The following CCDC148 variants were observed in gnomAD, a reference collection of about 807,000 sequenced individuals.
The protein encoded by CCDC148 is coiled-coil domain containing 148, also known as coiled-coil domain-containing protein 148.
Under a neutral mutation model 85.7 loss-of-function variants are expected in CCDC148, and 89 were observed. The observed-to-expected ratio is 1.04, with a 90% CI of 0.87 to 1.24. The LOEUF (loss-of-function observed/expected upper bound fraction) is 1.24. Among genes scored for constraint, CCDC148 ranks in the 50% most tolerant of loss-of-function variants. The pLI is 0.00. For missense variants in CCDC148, 692 were observed against 671.7 expected (o/e 1.03, Z -0.33); for synonymous variants, 230 against 213.9 (o/e 1.08, Z -0.66).
chr2:158,206,725 T>C (rs1558981426), intron 11 of CCDC148, among the ~76,000 whole-genome samples: 3 of 152,194 alleles, frequency 2.0e-5, no homozygotes, highest in Non-Finnish European at 4.4e-5. Context: ...AGGAATAAGA[T>C]TGGAGGATTG....
Position 158,313,785 on chromosome 2 carries a change from A to G in CCDC148, c.874T>C (p.Tyr292His). The G allele has an allele frequency of 6.2e-7, 1 of 1,613,948 alleles. No individual in the cohort carries two copies. The highest frequency in any genetic ancestry group is 8.5e-7 in the Non-Finnish European group (1 of 1,179,902). The change falls in exon 8 of 14, where the codon TAT (tyrosine) becomes CAT (histidine). Residue 292 changes from tyrosine to histidine, a missense_variant. Coordinates refer to ENST00000283233, the MANE Select transcript of CCDC148 (RefSeq NM_138803.4). ...TCATGCCTAGATTTGTGAGGAAAAT[A>G]TCTTTGTAACATGTCCAGATACAGA... is the stretch of plus-strand genomic sequence containing the variant. ...RTLYLDMLQR[Y>H]FPHKSRHDLV...
chr2:158,310,525 A>C (rs1478971269), intron 8 of CCDC148, among the ~76,000 whole-genome samples: 1 of 150,898 alleles, frequency 6.6e-6, no homozygotes, highest in Admixed American at 6.6e-5. Flanking sequence ...CCCACCCCCC[A>C]GACGGGGCCG....
At chr2:158,221,109 T>C (rs1347382602) in intron 10 of CCDC148, among the ~76,000 whole-genome samples, 3 of 152,220 alleles carry the variant, frequency 2.0e-5, no homozygotes, top group African/African-American at 4.8e-5. Context: ...AAATATAGCA[T>C]TAAAACTATT....
chr2:158,269,946 A>G lies in CCDC148; in HGVS notation c.1111-19034T>C, dbSNP rs562842775. On this transcript the variant is annotated intron_variant, in intron 9 of 13. Coordinates refer to ENST00000283233, the MANE Select transcript of CCDC148 (RefSeq NM_138803.4). Reference sequence around the variant, plus strand: ...TCAAAAGGGAAGTTAACAACAGAACAAAGTAGAACCTACACTAATATTCTC... The same window carrying G: ...TCAAAAGGGAAGTTAACAACAGAACGAAGTAGAACCTACACTAATATTCTC... Among the ~76,000 whole-genome samples the G allele has an allele frequency of 3.3e-5, 5 of 152,324 alleles. No individual in the cohort carries two copies. In the South Asian group the frequency reaches 8.3e-4, roughly 25 times the overall value.
At chr2:158,331,886 G>C (rs1261248378) in intron 7 of CCDC148, among the ~76,000 whole-genome samples, 2 of 151,944 alleles carry the variant, frequency 1.3e-5, no homozygotes, top group African/African-American at 4.8e-5. Flanking sequence ...CCTTTGTTTT[G>C]AGCCTATGTG....
chr2:158,390,520 A>G (rs901201181), intron 1 of CCDC148, among the ~76,000 whole-genome samples: 1 of 152,158 alleles, frequency 6.6e-6, no homozygotes, highest in Non-Finnish European at 1.5e-5. Flanking sequence ...AAATAGCCAA[A>G]CTCTTATAAA....
At chr2:158,327,008 A>C (rs912030768) in intron 7 of CCDC148, among the ~76,000 whole-genome samples, 20 of 152,168 alleles carry the variant, frequency 1.3e-4, no homozygotes, top group Non-Finnish European at 2.4e-4. Context: ...ACAATTTTTA[A>C]TCTGCAAAAT....
chr2:158,359,229 GAACAA>G (rs1415163594), intron 1 of CCDC148, among the ~76,000 whole-genome samples: 3 of 152,034 alleles, frequency 2.0e-5, no homozygotes, highest in Admixed American at 6.6e-5. Context: ...TGAGTAAATC[GAACAA>G]AACATGTACT....
intron 10 of CCDC148, among the ~76,000 whole-genome samples, chr2:158,223,951 T>C (rs954793679): frequency 3.3e-5 from 5 of 152,092 alleles, no homozygotes; most frequent in African/African-American, 1.2e-4. Context: ...TTGCCAGCAA[T>C]GGAACAAAGC....
At chr2:158,263,679 C>T (rs754610189) in intron 9 of CCDC148, among the ~76,000 whole-genome samples, 29 of 152,068 alleles carry the variant, frequency 1.9e-4, no homozygotes, top group Non-Finnish European at 3.8e-4. Context: ...GAAATGACTC[C>T]TCTTTTGATT....
intron 2 of CCDC148, among the ~76,000 whole-genome samples, chr2:158,352,950 C>A (rs1022769055): frequency 5.3e-5 from 8 of 150,160 alleles, no homozygotes; most frequent in Admixed American, 4.0e-4. Context: ...GAATTTTCAA[C>A]CCAGAATTTC....
intron 1 of CCDC148, among the ~76,000 whole-genome samples, chr2:158,399,434 A>G (rs138496324): frequency 0.074 from 11,339 of 152,260 alleles, 572 homozygotes; most frequent in Middle Eastern, 0.11. Flanking sequence ...CACCACGATC[A>G]AGTCAGATTC....
At position 158,220,651 on chromosome 2, in the gene CCDC148, C is replaced by T. The variant is rs766958692; in HGVS notation, c.1314G>A (p.Gln438=). ...TTAATTTCTTCAGTTCTTCTAGACG[C>T]TGAAGATCTCTCATTTCCATTTCTT... ...KWQEMEMRDL[Q]RLEELKKLIA... Residue 438 remains glutamine (Q), a synonymous_variant, in exon 11 of 14, where the codon CAG becomes CAA. Coordinates refer to ENST00000283233, the MANE Select transcript of CCDC148 (RefSeq NM_138803.4). 3.1e-6 allele frequency: 5 copies of T among 1,597,408 alleles called. No individual in the cohort carries two copies. The Admixed American group carries it at 9.1e-5, about 29-fold the overall frequency.
At chr2:158,259,764 T>C (rs1445325927) in intron 9 of CCDC148, among the ~76,000 whole-genome samples, 2 of 151,950 alleles carry the variant, frequency 1.3e-5, no homozygotes, top group African/African-American at 4.8e-5. Flanking sequence ...CACATGACTT[T>C]ATTTCCTATG....
intron 2 of CCDC148, 22 bp downstream of exon 2, chr2:158,358,427 A>C: frequency 6.3e-7 from 1 of 1,592,978 alleles, no homozygotes; most frequent in East Asian, 2.3e-5. Context: ...CTAGAAAAAC[A>C]CATACACACA....
At chr2:158,206,732 A>G (rs1031884278) in intron 11 of CCDC148, among the ~76,000 whole-genome samples, 3 of 152,180 alleles carry the variant, frequency 2.0e-5, no homozygotes, top group Non-Finnish European at 4.4e-5. Context: ...AGATTGGAGG[A>G]TTGTGAAAAT....
intron 1 of CCDC148, among the ~76,000 whole-genome samples, chr2:158,360,141 G>T (rs560707730): frequency 1.1e-3 from 175 of 152,316 alleles, no homozygotes; most frequent in Non-Finnish European, 8.8e-5. Flanking sequence ...TCCTCTATGG[G>T]CAGGGAATCT....
In CCDC148 at chr2:158,210,393, G is replaced by C. The variant is rs541528856; in HGVS notation, c.1370+10202C>G. Among the ~76,000 whole-genome samples, 8 of 152,158 alleles carry C rather than the reference G, an allele frequency of 5.3e-5. No individual in the cohort carries two copies. In the East Asian group the frequency reaches 1.6e-3, roughly 29 times the overall value. ...CTTTAACACCCCACTGTCAATATTAGACAGAACAATGAGACAGAAAATTAA... is the reference window on the plus strand; with the variant it reads ...CTTTAACACCCCACTGTCAATATTACACAGAACAATGAGACAGAAAATTAA... On this transcript the variant is annotated intron_variant, in intron 11 of 13. Coordinates refer to ENST00000283233, the MANE Select transcript of CCDC148 (RefSeq NM_138803.4).
intron 7 of CCDC148, among the ~76,000 whole-genome samples, chr2:158,319,425 G>C (rs1331278744): frequency 1.3e-5 from 2 of 152,138 alleles, no homozygotes; most frequent in Non-Finnish European, 2.9e-5. Flanking sequence ...AGTCCTCTGG[G>C]GCAAAGGTTT....
Sources: allele counts gnomAD v4.1 joint callset (sites outside exome capture counted in the v4.1 genomes callset), GRCh38; gene constraint gnomAD v4.1.1; transcripts MANE v1.5; gene names NCBI Gene and HGNC (gene_info 2026-07-23, HGNC 2026-07-21).